Variants in ZMYND8 observed in about 807,000 individuals in gnomAD.
ZMYND8 encodes the protein zinc finger MYND-type containing 8, also known as MYND-type zinc finger-containing chromatin reader ZMYND8.
Under a neutral mutation model 140.8 loss-of-function variants are expected in ZMYND8, and 37 were observed. That is an observed-to-expected ratio of 0.26 (90% CI 0.20 to 0.35). The LOEUF is 0.35. ZMYND8 is among the 10% of genes least tolerant of loss of function. The pLI, the probability that ZMYND8 is intolerant of heterozygous loss-of-function variation, is 1.00. For synonymous variants in ZMYND8, 592 were observed against 597.1 expected (o/e 0.99, Z 0.12); for missense variants, 1,068 against 1,570.0 (o/e 0.68, Z 5.40).
intron 5 of ZMYND8, 134 bp downstream of exon 5, chr20:47,294,532 A>T: frequency 1.3e-6 from 1 of 744,826 alleles, no homozygotes; most frequent in Non-Finnish European, 2.3e-6. Context: ...TGTGTGATTT[A>T]CACATACTTG....
chr20:47,332,450 C>G (rs946331805), intron 2 of ZMYND8, among the ~76,000 whole-genome samples: 1 of 152,094 alleles, frequency 6.6e-6, no homozygotes, highest in Non-Finnish European at 1.5e-5. Flanking sequence ...TGGATCACAC[C>G]TATAATCCCA....
At chr20:47,249,638 T>C (rs1601251814) in intron 12 of ZMYND8, among the ~76,000 whole-genome samples, 199 bp from the exon 13 acceptor site, 1 of 145,488 alleles carries the variant, frequency 6.9e-6, no homozygotes, top group African/African-American at 2.5e-5. Flanking sequence ...GTGAACACGT[T>C]TGGCAGGTTT....
At chr20:47,263,606 G>A (rs749995502) in intron 11 of ZMYND8, among the ~76,000 whole-genome samples, 3 of 152,196 alleles carry the variant, frequency 2.0e-5, no homozygotes, top group Non-Finnish European at 4.4e-5. Context: ...GAAGTAAAGA[G>A]GCCTGGATTC....
chr20:47,249,948 A>G (rs2147336244), intron 12 of ZMYND8, among the ~76,000 whole-genome samples: 1 of 152,206 alleles, frequency 6.6e-6, no homozygotes, highest in African/African-American at 2.4e-5. Flanking sequence ...TTCATTTTTC[A>G]TTCTCAGTGG....
chr20:47,246,216 C>T lies in ZMYND8; in HGVS notation c.2076G>A (p.Glu692=). 1 of 1,614,168 alleles carries T rather than the reference C, an allele frequency of 6.2e-7. No individual in the cohort carries two copies. The highest frequency in any genetic ancestry group is 1.1e-5 in the South Asian group (1 of 91,078). ...AVKDKASPEP[E]KDFSEKAKPS... is the part of the protein sequence containing the mutation. The stretch of plus-strand genomic sequence containing the variant: ...GTTTTGCCTTTTCGGAAAAGTCCTT[C>T]TCAGGCTCAGGGCTGGCCTTGTCCT... The change falls in exon 14 of 23, where the codon GAG becomes GAA. Residue 692 remains glutamate (E), a synonymous_variant. Coordinates refer to ENST00000471951, the MANE Select transcript of ZMYND8 (RefSeq NM_001281775.3).
chr20:47,228,452 C>T (rs1217119955), intron 17 of ZMYND8, among the ~76,000 whole-genome samples: 3 of 152,152 alleles, frequency 2.0e-5, no homozygotes, highest in Admixed American at 2.0e-4. Flanking sequence ...TGGCATACAT[C>T]CAGACCCCAG....
At chr20:47,313,433 T>TG (rs2079110172) in intron 2 of ZMYND8, among the ~76,000 whole-genome samples, 1 of 150,872 alleles carries the variant, frequency 6.6e-6, no homozygotes, top group South Asian at 2.1e-4. Flanking sequence ...CCATCCTGGC[T>TG]AACATGGTGA....
chr20:47,337,506 T>TAATA (rs555318397), intron 2 of ZMYND8, among the ~76,000 whole-genome samples: 2 of 152,018 alleles, frequency 1.3e-5, no homozygotes, highest in Non-Finnish European at 2.9e-5. Context: ...TCTATATAAT[T>TAATA]AATAAATAAA....
At position 47,221,295 on chromosome 20, in the gene ZMYND8, G is replaced by A; in HGVS notation, c.3417+19C>T. On this transcript the variant is annotated intron_variant, in intron 20 of 22. Coordinates refer to ENST00000471951, the MANE Select transcript of ZMYND8 (RefSeq NM_001281775.3). ...CAAAGGGTAGATGTCACTAGCCAAA[G>A]GCATGGGGGGATCCTCACCGAGCCA... 1 of 1,613,456 alleles carries A rather than the reference G, an allele frequency of 6.2e-7. No individual in the cohort carries two copies. Among genetic ancestry groups the A allele is most frequent in the Non-Finnish European group, 8.5e-7 (1 of 1,179,932 alleles).
chr20:47,272,234 C>A (rs182417715), intron 11 of ZMYND8, among the ~76,000 whole-genome samples: 5 of 151,896 alleles, frequency 3.3e-5, no homozygotes, highest in Non-Finnish European at 1.5e-5. Context: ...CATGCCACCA[C>A]GCCCAGCTAA....
At position 47,333,724 on chromosome 20, in the gene ZMYND8, CAAAAAAAAAAAAAAAAAAA is replaced by C. The variant is rs57968979; in HGVS notation, c.85+14113_85+14131del. Among the ~76,000 whole-genome samples, 45 of 29,748 alleles carry C rather than the reference CAAAAAAAAAAAAAAAAAAA, an allele frequency of 1.5e-3. 1 individual carries two copies. Among genetic ancestry groups the C allele is most frequent in the African/African-American group, 4.5e-3 (41 of 9,084 alleles). 19.5% of individuals were successfully genotyped at this position (29,748 alleles called of 152,430 possible). A position where few individuals can be genotyped will look rare whatever the true frequency, so the allele number is the denominator to read the frequency against. On this transcript the variant is annotated intron_variant, in intron 2 of 22. Transcript: ENST00000471951. ...CTGGTGACAGAGCGAGACTCCGTCTCAAAAAAAAAAAAAAAAAAAAAAAAAAAAAAAACATTAGCTGGGC... is the reference window on the plus strand; with the variant it reads ...CTGGTGACAGAGCGAGACTCCGTCTCAAAAAAAAAAAAACATTAGCTGGGC...
chr20:47,271,081 GAA>G (rs199939748), intron 11 of ZMYND8, among the ~76,000 whole-genome samples: 1 of 144,656 alleles, frequency 6.9e-6, no homozygotes, highest in Non-Finnish European at 1.5e-5. Flanking sequence ...CGTCTAAAAA[GAA>G]AAAAAAAAGA....
chr20:47,213,768 G>C (rs1009323990), intron 21 of ZMYND8, among the ~76,000 whole-genome samples: 3 of 152,188 alleles, frequency 2.0e-5, no homozygotes, highest in African/African-American at 7.2e-5. Context: ...TGTGGGAAGA[G>C]GAAGAGAAGA....
At position 47,285,575 on chromosome 20, in the gene ZMYND8, A is replaced by G. The variant is rs192726103; in HGVS notation, c.804+1654T>C. 1,473 of 667,662 alleles carry G rather than the reference A, an allele frequency of 2.2e-3. 22 individuals carry two copies. The African/African-American group carries it at 0.027, about 12-fold the overall frequency. 41.4% of individuals were successfully genotyped at this position (667,662 alleles called of 1,614,324 possible). On this transcript the variant is annotated intron_variant, in intron 8 of 22. Transcript: ENST00000471951. ...TATAGTTTTGTAATTACAACTCCCA[A>G]TATTGGAAAGGACATAGCCTCATTG...
intron 14 of ZMYND8, among the ~76,000 whole-genome samples, chr20:47,245,201 A>C (rs961884746): frequency 6.6e-6 from 1 of 152,252 alleles, no homozygotes; most frequent in Non-Finnish European, 1.5e-5. Context: ...CCTAGGTGGC[A>C]TGAGGGGAGG....
intron 15 of ZMYND8, chr20:47,237,235 G>A (rs2039359726): frequency 1.3e-5 from 2 of 151,064 alleles, no homozygotes; most frequent in African/African-American, 4.9e-5. Context: ...CTCTACCTCT[G>A]AGGTTCAAGG....
chr20:47,352,040 G>A, intron 1 of ZMYND8: 1 of 981,010 alleles, frequency 1.0e-6, no homozygotes, highest in South Asian at 4.7e-5. Flanking sequence ...TCTGTGATGA[G>A]GCCCCCTTGC....
chr20:47,291,673 A>C, intron 6 of ZMYND8, 123 bp downstream of exon 6: 2 of 598,530 alleles, frequency 3.3e-6, no homozygotes. Flanking sequence ...GGAGCAATGA[A>C]AATATAGAGA....
intron 8 of ZMYND8, chr20:47,285,584 A>G: frequency 8.2e-6 from 6 of 729,692 alleles, no homozygotes; most frequent in Non-Finnish European, 1.0e-5. Flanking sequence ...AATATTGGAA[A>G]GGACATAGCC....
Sources: gnomAD v4.1 joint callset for allele counts (sites outside exome capture counted in the v4.1 genomes callset) on GRCh38, gnomAD v4.1.1 for gene constraint, MANE v1.5 for transcripts, NCBI Gene and HGNC (gene_info 2026-07-23, HGNC 2026-07-21) for gene names.